CACNA1C: variants seen among roughly 807,000 people sequenced by gnomAD.
The protein encoded by CACNA1C is calcium voltage-gated channel subunit alpha1 C, also known as voltage-dependent L-type calcium channel subunit alpha-1C.
A neutral mutation model predicts 229.0 loss-of-function variants in CACNA1C; 30 were observed. That is an observed-to-expected ratio of 0.13 (90% CI 0.10 to 0.18). CACNA1C has a LOEUF of 0.18. Among genes scored for constraint, CACNA1C ranks in the 10% least tolerant of loss-of-function variants. CACNA1C has a pLI of 1.00. For missense variants in CACNA1C, 1,658 were observed against 2,845.0 expected (o/e 0.58, Z 9.49); for synonymous variants, 1,114 against 1,132.5 (o/e 0.98, Z 0.33).
At position 2,697,052 on chromosome 12, in the gene CACNA1C, T is replaced by C. The variant is rs574490644; in HGVS notation, c.*5853T>C. 6.6e-6 allele frequency: 1 copy of C among 152,372 alleles called. No homozygotes were observed. The highest frequency in any genetic ancestry group is 1.9e-4 in the East Asian group (1 of 5,190). The allele number at this position is 152,372 out of a possible 1,614,324, so 9.4% of individuals were successfully genotyped here. A position where few individuals can be genotyped will look rare whatever the true frequency, so the allele number is the denominator to read the frequency against. ...TTGTACATCAAGGGAAGATGATTTG[T>C]AAACACACAGTCCTGTGCAGAAAGA... On this transcript the variant is annotated 3_prime_UTR_variant, in exon 47 of 47. Transcript: ENST00000399655.
intron 1 of CACNA1C, among the ~76,000 whole-genome samples, chr12:2,103,243 T>C (rs936967325): frequency 6.6e-6 from 1 of 152,194 alleles, no homozygotes; most frequent in African/African-American, 2.4e-5. Flanking sequence ...CTTTCCAGCA[T>C]CTGTTGTTTC....
chr12:2,487,386 C>G (rs560949033), intron 6 of CACNA1C, among the ~76,000 whole-genome samples: 1 of 149,844 alleles, frequency 6.7e-6, no homozygotes, highest in Non-Finnish European at 1.5e-5. Flanking sequence ...AGCTTCCAAA[C>G]AACAGGGAGT....
chr12:2,315,951 A>G (rs2095667138), intron 3 of CACNA1C, among the ~76,000 whole-genome samples: 1 of 152,216 alleles, frequency 6.6e-6, no homozygotes, highest in South Asian at 2.1e-4. Flanking sequence ...GAGAACAACA[A>G]CAGAAAGGAA....
rs1794628624 is a variant in CACNA1C, at chr12:2,691,965, T to C, written c.*766T>C. ...CAGTTTCTTTTCGGTTTTGGTTTTT[T>C]TTAAATGTTTTATTTTGCTTTCCCA... On this transcript the variant is annotated 3_prime_UTR_variant, in exon 47 of 47. Coordinates refer to ENST00000399655, the MANE Select transcript of CACNA1C (RefSeq NM_000719.7). 1 of 152,234 alleles carries C rather than the reference T, an allele frequency of 6.6e-6. No homozygotes were observed. The highest frequency in any genetic ancestry group is 2.1e-4 in the South Asian group (1 of 4,830). The allele number at this position is 152,234 out of a possible 1,614,324, so 9.4% of individuals were successfully genotyped here.
At chr12:2,076,429 C>T (rs1338875593) in intron 1 of CACNA1C, among the ~76,000 whole-genome samples, 1 of 152,110 alleles carries the variant, frequency 6.6e-6, no homozygotes, top group African/African-American at 2.4e-5. Context: ...CCACGTGGCT[C>T]ACATGGGTCT....
chr12:2,679,829 A>G lies in CACNA1C; in HGVS notation c.5444+33A>G, dbSNP rs1333524882. The G allele has an allele frequency of 6.9e-7, 1 of 1,440,112 alleles. No homozygotes were observed. Among genetic ancestry groups the G allele is most frequent in the Admixed American group, 2.0e-5 (1 of 48,788 alleles). The allele number at this position is 1,440,112 out of a possible 1,614,324, so 89.2% of individuals were successfully genotyped here. On this transcript the variant is annotated intron_variant, in intron 42 of 46. Transcript: ENST00000399655. This position sits in a 1 kb window ranked among gnomAD's most constrained non-coding sequence, Gnocchi z 5.5. ...GGAGGCTGGCCACCCCAGGCGGCAC[A>G]CAGGGCCCACGTGCTGCAACCCTCA... is the stretch of plus-strand genomic sequence containing the variant.
At chr12:2,604,537 G>A (rs2074363308) in intron 22 of CACNA1C, among the ~76,000 whole-genome samples, 1 of 152,214 alleles carries the variant, frequency 6.6e-6, no homozygotes, top group African/African-American at 2.4e-5. Flanking sequence ...TTTAAGTGTA[G>A]TAACGTCTTC....
intron 3 of CACNA1C, among the ~76,000 whole-genome samples, chr12:2,146,817 A>T (rs1455118287): frequency 6.7e-6 from 1 of 150,176 alleles, no homozygotes; most frequent in Admixed American, 6.7e-5. Context: ...CTTGACTGTG[A>T]TTTTTCAGGC....
At chr12:2,405,713 T>C (rs1001985614) in intron 3 of CACNA1C, among the ~76,000 whole-genome samples, 5 of 152,234 alleles carry the variant, frequency 3.3e-5, no homozygotes, top group Non-Finnish European at 1.5e-5. Flanking sequence ...CACCCATTTA[T>C]GATAGAATTG....
At chr12:2,392,609 A>C (rs1327178371) in intron 3 of CACNA1C, among the ~76,000 whole-genome samples, 1 of 152,106 alleles carries the variant, frequency 6.6e-6, no homozygotes, top group Non-Finnish European at 1.5e-5. Flanking sequence ...TATTCTTTAG[A>C]GGGGATTTGT....
At chr12:2,642,815 A>T (rs980859374) in intron 30 of CACNA1C, among the ~76,000 whole-genome samples, 4 of 152,134 alleles carry the variant, frequency 2.6e-5, no homozygotes, top group African/African-American at 9.7e-5. Context: ...GAATGACTAG[A>T]CGCTGGGCTG....
chr12:2,549,904 C>T, intron 9 of CACNA1C, 39 bp from the exon 10 acceptor site: 1 of 1,433,792 alleles, frequency 7.0e-7, no homozygotes, highest in Admixed American at 1.9e-5. Flanking sequence ...TGTCTCCCCA[C>T]CCTCAATGCC....
chr12:2,576,055 A>G (rs1397167462), intron 13 of CACNA1C, among the ~76,000 whole-genome samples: 1 of 152,212 alleles, frequency 6.6e-6, no homozygotes, highest in African/African-American at 2.4e-5. Context: ...CAGAAGTGAC[A>G]TGGTGGTCGG....
At chr12:2,358,984 C>G (rs1041239762) in intron 3 of CACNA1C, among the ~76,000 whole-genome samples, 1 of 152,218 alleles carries the variant, frequency 6.6e-6, no homozygotes, top group Admixed American at 6.5e-5. Flanking sequence ...TGAACTTTGT[C>G]TCTCTTTGTT....
At position 1,971,623 on chromosome 12, in the gene CACNA1C, A is replaced by C. The variant is rs1309668269; in HGVS notation, c.139+422A>C. Among the ~76,000 whole-genome samples the C allele has an allele frequency of 6.6e-6, 1 of 152,206 alleles. No individual in the cohort carries two copies. Among genetic ancestry groups the C allele is most frequent in the African/African-American group, 2.4e-5 (1 of 41,440 alleles). On this transcript the variant is annotated intron_variant, in intron 1 of 46. Transcript: ENST00000682462. This position sits in a 1 kb window ranked among gnomAD's most constrained non-coding sequence, Gnocchi z 4.2. ...TTTCTTTTTAAATTTCTTCAGTGGA[A>C]AAACCAAAAGCTGGTCAAATTTTAA...
chr12:2,074,154 GATA>G (rs1565519923), intron 1 of CACNA1C, among the ~76,000 whole-genome samples: 1 of 7,534 alleles, frequency 1.3e-4, no homozygotes, highest in Non-Finnish European at 3.5e-4. Flanking sequence ...TATGTGTTAG[GATA>G]ATGTAGATAA....
intron 9 of CACNA1C, among the ~76,000 whole-genome samples, chr12:2,526,956 A>G (rs1462231968): frequency 6.6e-6 from 1 of 152,242 alleles, no homozygotes; most frequent in Non-Finnish European, 1.5e-5. Flanking sequence ...TTAAAGGTTT[A>G]TGCTTTCTAA....
At chr12:2,174,882 A>G (rs989913172) in intron 3 of CACNA1C, among the ~76,000 whole-genome samples, 1 of 152,238 alleles carries the variant, frequency 6.6e-6, no homozygotes, top group African/African-American at 2.4e-5. Flanking sequence ...TTTACTATTC[A>G]TTAAGTGGAA....
chr12:2,498,343 C>A (rs1483489971), intron 7 of CACNA1C, among the ~76,000 whole-genome samples: 2 of 152,168 alleles, frequency 1.3e-5, no homozygotes, highest in East Asian at 3.9e-4. Flanking sequence ...CGTGCTACCC[C>A]CAGGGTGCAC....
Sources: allele counts gnomAD v4.1 joint callset (sites outside exome capture counted in the v4.1 genomes callset), GRCh38; gene constraint gnomAD v4.1.1; non-coding constraint Gnocchi (gnomAD v3.1); transcripts MANE v1.5; gene names NCBI Gene and HGNC (gene_info 2026-07-23, HGNC 2026-07-21).